The following SGIP1 variants were observed in gnomAD, a reference collection of about 807,000 sequenced individuals.
SGIP1 encodes SH3-containing GRB2-like protein 3-interacting protein 1.
A neutral mutation model predicts 107.5 loss-of-function variants in SGIP1; 38 were observed. That is an observed-to-expected ratio of 0.35 (90% CI 0.27 to 0.46). The LOEUF (loss-of-function observed/expected upper bound fraction) is 0.46, where lower values mean the gene tolerates loss of function less well. SGIP1 is among the 20% of genes least tolerant of loss of function. The pLI, the probability that SGIP1 is intolerant of heterozygous loss-of-function variation, is 1.00. For synonymous variants in SGIP1, 365 were observed against 366.1 expected (o/e 1.00, Z 0.03); for missense variants, 929 against 1,019.5 (o/e 0.91, Z 1.21).
intron 1 of SGIP1, among the ~76,000 whole-genome samples, chr1:66,594,286 A>G (rs1193032681): frequency 1.3e-5 from 2 of 152,186 alleles, no homozygotes; most frequent in Non-Finnish European, 2.9e-5. Context: ...ATTTCTTTGT[A>G]TTTCCTTGTA....
At chr1:66,641,329 G>T (rs1191604064) in intron 5 of SGIP1, among the ~76,000 whole-genome samples, 3 of 152,088 alleles carry the variant, frequency 2.0e-5, no homozygotes, top group Non-Finnish European at 2.9e-5. Context: ...CAATAAAAAA[G>T]ATTTTTTTAA....
chr1:66,633,389 A>T (rs2075183886), intron 3 of SGIP1, among the ~76,000 whole-genome samples: 1 of 152,088 alleles, frequency 6.6e-6, no homozygotes, highest in Admixed American at 6.5e-5. Context: ...CTGTTATTTC[A>T]TTTCCAATTT....
At chr1:66,602,065 G>A (rs2065944601) in intron 1 of SGIP1, among the ~76,000 whole-genome samples, 1 of 152,204 alleles carries the variant, frequency 6.6e-6, no homozygotes, top group African/African-American at 2.4e-5. Context: ...GGTGTACATA[G>A]AGGAGACTTC....
At chr1:66,674,599 G>T (rs1258128401) in intron 12 of SGIP1, among the ~76,000 whole-genome samples, 2 of 152,146 alleles carry the variant, frequency 1.3e-5, no homozygotes, top group East Asian at 1.9e-4. Context: ...AAACAAGATG[G>T]AATTTTATTA....
chr1:66,662,036 G>A (rs995005500), intron 8 of SGIP1, among the ~76,000 whole-genome samples: 5 of 152,106 alleles, frequency 3.3e-5, no homozygotes, highest in South Asian at 2.1e-4. Flanking sequence ...GACAGTCTCC[G>A]TAATCTAACT....
At chr1:66,622,345 G>C (rs554918734) in intron 1 of SGIP1, among the ~76,000 whole-genome samples, 9 of 152,282 alleles carry the variant, frequency 5.9e-5, no homozygotes, top group African/African-American at 2.2e-4. Context: ...CAGGGCCTGG[G>C]CAATAGGTAG....
chr1:66,620,786 G>A (rs909327715), intron 1 of SGIP1, among the ~76,000 whole-genome samples: 1 of 152,166 alleles, frequency 6.6e-6, no homozygotes. Flanking sequence ...AGAGTTTCAT[G>A]AAACAGTATT....
At chr1:66,694,454 T>G (rs2150142882) in intron 17 of SGIP1, 2 of 1,607,916 alleles carry the variant, frequency 1.2e-6, no homozygotes, top group Middle Eastern at 1.7e-4. Context: ...GAAGACGATG[T>G]TTTTTATGAC....
intron 1 of SGIP1, among the ~76,000 whole-genome samples, chr1:66,592,514 T>C (rs1015447281): frequency 1.3e-5 from 2 of 152,218 alleles, no homozygotes; most frequent in Admixed American, 6.5e-5. Flanking sequence ...TCTTTCTACA[T>C]AGACACAGTA....
chr1:66,549,092 G>C lies in SGIP1; in HGVS notation c.10+14724G>C, dbSNP rs919731988. Reference sequence around the variant, plus strand: ...ATCCTAACTCTGAGACTTGCTGGCTGTGCCCCCCTGGGCAAGCCTGAGCTT... The same window carrying C: ...ATCCTAACTCTGAGACTTGCTGGCTCTGCCCCCCTGGGCAAGCCTGAGCTT... On this transcript the variant is annotated intron_variant, in intron 1 of 24. Coordinates refer to ENST00000371037, the MANE Select transcript of SGIP1 (RefSeq NM_032291.4). 2.6e-5 allele frequency among the ~76,000 whole-genome samples: 4 copies of C among 152,270 alleles called. No individual in the cohort carries two copies. In the South Asian group the frequency reaches 6.2e-4, roughly 24 times the overall value.
chr1:66,617,638 A>G (rs2069721412), intron 1 of SGIP1, among the ~76,000 whole-genome samples: 1 of 152,216 alleles, frequency 6.6e-6, no homozygotes, highest in South Asian at 2.1e-4. Flanking sequence ...CATGTGATTC[A>G]CCTTTGAGTA....
Position 66,749,349 on chromosome 1 carries a change from A to G in SGIP1, c.*6254A>G, listed in dbSNP as rs892918948. ...TTTTTACATCAGCTTGTCAGAAATT[A>G]TATTAAAAACACTTTGGGGAAAGCT... On this transcript the variant is annotated 3_prime_UTR_variant, in exon 25 of 25. Coordinates refer to ENST00000371037, the MANE Select transcript of SGIP1 (RefSeq NM_032291.4). Among the ~76,000 whole-genome samples, 2 of 151,948 alleles carry G rather than the reference A, an allele frequency of 1.3e-5. No homozygotes were observed. The highest frequency in any genetic ancestry group is 2.9e-5 in the Non-Finnish European group (2 of 67,874).
chr1:66,608,344 C>A (rs2067251536), intron 1 of SGIP1, among the ~76,000 whole-genome samples: 1 of 152,224 alleles, frequency 6.6e-6, no homozygotes, highest in Non-Finnish European at 1.5e-5. Flanking sequence ...TTTAAAACCT[C>A]ATATCTGATG....
intron 1 of SGIP1, among the ~76,000 whole-genome samples, chr1:66,564,481 C>T (rs1190438494): frequency 6.6e-6 from 1 of 151,700 alleles, no homozygotes; most frequent in Non-Finnish European, 1.5e-5. Context: ...TTGACCTGAC[C>T]AATATAAACA....
chr1:66,687,811 G>A (rs1219368747), intron 15 of SGIP1, among the ~76,000 whole-genome samples: 3 of 152,224 alleles, frequency 2.0e-5, no homozygotes, highest in African/African-American at 7.2e-5. Flanking sequence ...GGTAGTGGTA[G>A]AGGAAGGTGG....
chr1:66,553,699 A>G (rs909522440), intron 1 of SGIP1, among the ~76,000 whole-genome samples: 14 of 151,648 alleles, frequency 9.2e-5, no homozygotes, highest in African/African-American at 3.4e-4. Flanking sequence ...AATGAGACCA[A>G]GGAAAGTGAA....
chr1:66,648,720 G>T (rs146323845), intron 7 of SGIP1, among the ~76,000 whole-genome samples: 60 of 152,312 alleles, frequency 3.9e-4, no homozygotes, highest in Non-Finnish European at 7.8e-4. Context: ...TCTTTTCCAA[G>T]TGCTTTCTGG....
At chr1:66,583,155 A>G (rs2062049918) in intron 1 of SGIP1, among the ~76,000 whole-genome samples, 2 of 152,266 alleles carry the variant, frequency 1.3e-5, no homozygotes, top group South Asian at 4.1e-4. Flanking sequence ...CTATATAAAT[A>G]AAAAATTCAG....
intron 1 of SGIP1, among the ~76,000 whole-genome samples, chr1:66,611,104 A>G (rs773709576): frequency 3.9e-5 from 6 of 152,208 alleles, no homozygotes; most frequent in Admixed American, 6.5e-5. Context: ...CATGTAATCA[A>G]ACACCACCTG....
Sources: allele counts gnomAD v4.1 joint callset (sites outside exome capture counted in the v4.1 genomes callset), GRCh38; gene constraint gnomAD v4.1.1; transcripts MANE v1.5; gene names NCBI Gene and HGNC (gene_info 2026-07-23, HGNC 2026-07-21).